Variants in SNTB1 observed in about 807,000 individuals in gnomAD.
The protein encoded by SNTB1 is beta-1-syntrophin.
A neutral mutation model predicts 48.9 loss-of-function variants in SNTB1; 36 were observed. The observed-to-expected ratio is 0.74, with a 90% CI of 0.56 to 0.97. SNTB1 has a LOEUF of 0.97. Ranked by LOEUF, SNTB1 falls within the 50% of genes least tolerant of loss-of-function variation. The pLI is 0.00. For missense variants in SNTB1, 786 were observed against 703.4 expected, an observed-to-expected ratio of 1.12 and a Z score of -1.33; for synonymous variants, 299 against 294.6, an observed-to-expected ratio of 1.01 and a Z score of -0.15.
At chr8:120,555,625 T>C (rs1312811588) in intron 4 of SNTB1, among the ~76,000 whole-genome samples, 1 of 152,192 alleles carries the variant, frequency 6.6e-6, no homozygotes, top group African/African-American at 2.4e-5. Context: ...GGCTGCTCTT[T>C]GTTAGAAAAT....
intron 1 of SNTB1, among the ~76,000 whole-genome samples, chr8:120,757,805 G>T (rs550230731): frequency 6.6e-6 from 1 of 152,132 alleles, no homozygotes; most frequent in Non-Finnish European, 1.5e-5. Flanking sequence ...CTACCATGGG[G>T]AACTTAAGAA....
At chr8:120,620,874 C>CTCCCTCCCTCCCTCCCT (rs1563833578) in intron 3 of SNTB1, among the ~76,000 whole-genome samples, 1 of 151,138 alleles carries the variant, frequency 6.6e-6, no homozygotes, top group Non-Finnish European at 1.5e-5. Context: ...CATCTTCCTC[C>CTCCCTCCCTCCCTCCCT]TCCCTCCCTC....
intron 2 of SNTB1, among the ~76,000 whole-genome samples, chr8:120,675,126 C>A (rs1817813733): frequency 6.6e-6 from 1 of 152,092 alleles, no homozygotes; most frequent in Non-Finnish European, 1.5e-5. Flanking sequence ...TGAAAAGGCC[C>A]AGTGGTCTTC....
At position 120,783,984 on chromosome 8, in the gene SNTB1, T is replaced by G. The variant is rs529606135; in HGVS notation, c.571+27289A>C. 9.3e-4 allele frequency among the ~76,000 whole-genome samples: 125 copies of G among 134,136 alleles called. 1 individual carries two copies. Among genetic ancestry groups the G allele is most frequent in the African/African-American group, 3.2e-3 (117 of 37,112 alleles). 88.0% of individuals were successfully genotyped at this position (134,136 alleles called of 152,430 possible). A position where few individuals can be genotyped will look rare whatever the true frequency, so the allele number is the denominator to read the frequency against. On this transcript the variant is annotated intron_variant, in intron 1 of 6. Transcript: ENST00000517992. ...TGTAGGTTACATGCAAATACTCCAG[T>G]TTTGTTTTGTTTTGTTTTGTTTTTT...
intron 2 of SNTB1, among the ~76,000 whole-genome samples, chr8:120,664,341 C>T (rs565034959): frequency 6.6e-6 from 1 of 152,244 alleles, no homozygotes; most frequent in African/African-American, 2.4e-5. Context: ...AGTTTATCTG[C>T]AAGACTATTT....
chr8:120,579,923 C>G (rs1454974828), intron 3 of SNTB1, among the ~76,000 whole-genome samples: 1 of 152,182 alleles, frequency 6.6e-6, no homozygotes, highest in East Asian at 1.9e-4. Context: ...CTATTTTTTA[C>G]TATTAAGGAG....
intron 2 of SNTB1, among the ~76,000 whole-genome samples, chr8:120,682,662 G>T (rs553727974): frequency 6.6e-6 from 1 of 152,198 alleles, no homozygotes; most frequent in East Asian, 1.9e-4. Context: ...TTTCACATGG[G>T]TTGCCTAAGT....
At position 120,693,367 on chromosome 8, in the gene SNTB1, A is replaced by G. The variant is rs572595950; in HGVS notation, c.788+325T>C. Among the ~76,000 whole-genome samples the G allele has an allele frequency of 1.1e-4, 17 of 152,326 alleles. No homozygotes were observed. In the East Asian group the frequency reaches 3.3e-3, roughly 29 times the overall value. On this transcript the variant is annotated intron_variant, in intron 2 of 6. Coordinates refer to ENST00000517992, the MANE Select transcript of SNTB1 (RefSeq NM_021021.4). ...TCTATTTCAATTATTCCCATCTTAGAGATGACAAAACTGAGGTTAAGCGGT... is the reference window on the plus strand; with the variant it reads ...TCTATTTCAATTATTCCCATCTTAGGGATGACAAAACTGAGGTTAAGCGGT...
chr8:120,580,933 G>C (rs567682914), intron 3 of SNTB1, among the ~76,000 whole-genome samples: 1 of 151,814 alleles, frequency 6.6e-6, no homozygotes, highest in African/African-American at 2.4e-5. Flanking sequence ...CAGACAAGAC[G>C]TCTAGAGCTG....
intron 3 of SNTB1, among the ~76,000 whole-genome samples, chr8:120,594,246 G>A (rs1469082029): frequency 6.6e-6 from 1 of 151,880 alleles, no homozygotes; most frequent in South Asian, 2.1e-4. Context: ...ATGTATGTAT[G>A]TATGTTTTGA....
rs1816055870 is a variant in SNTB1 at position 120,581,908 on chromosome 8, G to A, written c.997-6683C>T. ...AAATTAGCCAGGCATGGTGGCACAT[G>A]CCTGTAATCCCAGCTATTTGGGAGG... is the stretch of plus-strand genomic sequence containing the variant. On this transcript the variant is annotated intron_variant, in intron 3 of 6. Coordinates refer to ENST00000517992, the MANE Select transcript of SNTB1 (RefSeq NM_021021.4). 2.0e-5 allele frequency among the ~76,000 whole-genome samples: 3 copies of A among 151,932 alleles called. No individual in the cohort carries two copies. The South Asian group carries it at 6.2e-4, about 32-fold the overall frequency.
intron 2 of SNTB1, chr8:120,637,418 ACT>A (rs773415428): frequency 1.2e-4 from 24 of 201,334 alleles, no homozygotes; most frequent in Non-Finnish European, 1.9e-4. Context: ...CTCATAAATC[ACT>A]GTTTATCTCT....
intron 1 of SNTB1, among the ~76,000 whole-genome samples, chr8:120,723,699 T>A (rs1436316860): frequency 6.6e-6 from 1 of 152,108 alleles, no homozygotes; most frequent in Non-Finnish European, 1.5e-5. Context: ...AAGCTGTATA[T>A]CCCTGGGCAT....
At chr8:120,811,141 C>G (rs948927295) in intron 1 of SNTB1, 132 bp downstream of exon 1, 68 of 1,264,426 alleles carry the variant, frequency 5.4e-5, no homozygotes, top group Middle Eastern at 2.8e-4. Context: ...TCCCCCCCCC[C>G]CAACACACAC....
chr8:120,545,725 C>T (rs894521295), intron 5 of SNTB1, among the ~76,000 whole-genome samples: 1 of 152,158 alleles, frequency 6.6e-6, no homozygotes, highest in South Asian at 2.1e-4. Flanking sequence ...AGGCGTTAGG[C>T]CCATGTGGCT....
At chr8:120,577,859 C>T (rs1038317716) in intron 3 of SNTB1, among the ~76,000 whole-genome samples, 3 of 152,136 alleles carry the variant, frequency 2.0e-5, no homozygotes, top group Non-Finnish European at 4.4e-5. Flanking sequence ...TATTGAAGAG[C>T]GCTGTGTGGA....
chr8:120,584,212 C>T (rs1299480946), intron 3 of SNTB1, among the ~76,000 whole-genome samples: 3 of 151,682 alleles, frequency 2.0e-5, no homozygotes, highest in African/African-American at 7.3e-5. Flanking sequence ...GAGGCCGAGG[C>T]GGGCAGATCA....
chr8:120,592,489 A>AT (rs755240225), intron 3 of SNTB1, among the ~76,000 whole-genome samples: 2 of 152,106 alleles, frequency 1.3e-5, no homozygotes, highest in Non-Finnish European at 1.5e-5. Context: ...CAAGCAGAGA[A>AT]TTTTTTAAAA....
chr8:120,577,017 A>C (rs1158199249), intron 3 of SNTB1, among the ~76,000 whole-genome samples: 1 of 152,168 alleles, frequency 6.6e-6, no homozygotes, highest in African/African-American at 2.4e-5. Flanking sequence ...ATTTTTGAAC[A>C]TGTCAAAAAT....
Sources: gnomAD v4.1 joint callset for allele counts (sites outside exome capture counted in the v4.1 genomes callset) on GRCh38, gnomAD v4.1.1 for gene constraint, MANE v1.5 for transcripts, NCBI Gene and HGNC (gene_info 2026-07-23, HGNC 2026-07-21) for gene names.